SAMD5: variants seen among roughly 807,000 people sequenced by gnomAD.
SAMD5 encodes sterile alpha motif domain containing 5.
SAMD5 carries 13 observed loss-of-function variants against 11.3 expected under a neutral mutation model. The observed-to-expected ratio is 1.15, with a 90% confidence interval of 0.75 to 1.83. The LOEUF is 1.83. Ranked by LOEUF, SAMD5 falls within the 40% of genes most tolerant of loss-of-function variation. The pLI is 0.00. For missense variants in SAMD5, 255 were observed against 239.1 expected, an observed-to-expected ratio of 1.07 and a Z score of -0.44; for synonymous variants, 129 against 111.3, an observed-to-expected ratio of 1.16 and a Z score of -1.00.
chr6:147,864,975 A>G, the SAMD5 span, among the ~76,000 whole-genome samples: 1 of 152,216 alleles, frequency 6.6e-6, no homozygotes, highest in Non-Finnish European at 1.5e-5. Context: ...CAAGATTTGC[A>G]AGATTCTGCA....
intron 1 of SAMD5, among the ~76,000 whole-genome samples, chr6:147,542,109 G>A (rs145748687): frequency 0.013 from 1,939 of 152,328 alleles, 21 homozygotes; most frequent in Middle Eastern, 0.031. Flanking sequence ...CCTGTCATAG[G>A]GCTACAGTTA....
At chr6:147,763,620 G>A in the SAMD5 span, among the ~76,000 whole-genome samples, 8 of 151,474 alleles carry the variant, frequency 5.3e-5, no homozygotes, top group South Asian at 6.3e-4. Context: ...TTGCTCTGTC[G>A]CCCAGGCTGG....
chr6:147,676,714 T>C (rs1790868038), intron 1 of SAMD5, among the ~76,000 whole-genome samples: 1 of 150,706 alleles, frequency 6.6e-6, no homozygotes, highest in South Asian at 2.1e-4. Flanking sequence ...AAAGAGAAAG[T>C]AACATTTAAA....
chr6:147,800,066 G>A, the SAMD5 span, among the ~76,000 whole-genome samples: 1 of 152,150 alleles, frequency 6.6e-6, no homozygotes. Context: ...TCTTCTCTCA[G>A]CTCGTCAAAG....
intron 1 of SAMD5, among the ~76,000 whole-genome samples, chr6:147,616,185 A>G (rs1461663739): frequency 1.7e-5 from 2 of 118,696 alleles, no homozygotes; most frequent in African/African-American, 3.4e-5. Flanking sequence ...TTATTCATAT[A>G]TATTTCATAT....
rs139216301 is a variant in SAMD5 at position 147,561,257 on chromosome 6, G to A, written c.460-3137G>A. Among the ~76,000 whole-genome samples, 650 of 152,186 alleles carry A rather than the reference G, an allele frequency of 4.3e-3. 3 individuals are homozygous for A. The highest frequency in any genetic ancestry group is 7.6e-3 in the Non-Finnish European group (519 of 67,998). On this transcript the variant is annotated intron_variant, in intron 1 of 1. Coordinates refer to ENST00000367474, the MANE Select transcript of SAMD5 (RefSeq NM_001030060.3). ...AGGCTGGAGTGCAGTGCCTGATCTC[G>A]GCTCACTGCAACCTCCAGCTCCCGG...
intron 1 of SAMD5, among the ~76,000 whole-genome samples, chr6:147,599,331 T>C (rs1172249780): frequency 6.6e-6 from 1 of 152,238 alleles, no homozygotes; most frequent in Non-Finnish European, 1.5e-5. Flanking sequence ...AATGTTGTGA[T>C]AAGTTTCAGA....
chr6:147,628,267 T>C (rs844619), intron 1 of SAMD5, among the ~76,000 whole-genome samples: 6,151 of 152,270 alleles, frequency 0.04, 167 homozygotes, highest in East Asian at 0.11. Flanking sequence ...AATTGAAAAC[T>C]CTATTTCTAG....
intron 1 of SAMD5, among the ~76,000 whole-genome samples, chr6:147,646,988 A>AATC (rs1441621556): frequency 2.0e-5 from 3 of 146,948 alleles, no homozygotes; most frequent in Non-Finnish European, 4.5e-5. Flanking sequence ...TAATAATAAT[A>AATC]ATAATAATAA....
chr6:147,819,327 G>C, the SAMD5 span, among the ~76,000 whole-genome samples: 28 of 152,220 alleles, frequency 1.8e-4, 1 homozygote, highest in African/African-American at 6.3e-4. Flanking sequence ...GGCCTACTTG[G>C]GGGTGGAGGA....
chr6:147,636,861 CCA>C (rs1562339502), intron 1 of SAMD5, among the ~76,000 whole-genome samples: 1 of 152,174 alleles, frequency 6.6e-6, no homozygotes, highest in East Asian at 1.9e-4. Context: ...GTATTATGGT[CCA>C]CAGACTGATT....
intron 1 of SAMD5, among the ~76,000 whole-genome samples, chr6:147,512,255 C>G (rs535205849): frequency 6.6e-6 from 1 of 152,294 alleles, no homozygotes; most frequent in African/African-American, 2.4e-5. Context: ...CGCACCCCGC[C>G]AGAATGTGTA....
chr6:147,516,031 C>G (rs1000768444), intron 1 of SAMD5, among the ~76,000 whole-genome samples: 2 of 152,128 alleles, frequency 1.3e-5, no homozygotes, highest in African/African-American at 4.8e-5. Flanking sequence ...ACACCAAGGA[C>G]ACAAAATTGA....
At chr6:147,838,535 C>CA in the SAMD5 span, among the ~76,000 whole-genome samples, 1 of 142,894 alleles carries the variant, frequency 7.0e-6, no homozygotes, top group Non-Finnish European at 1.5e-5. Context: ...TATCCTGCCC[C>CA]CCCCCCGTAG....
the SAMD5 span, among the ~76,000 whole-genome samples, chr6:147,811,856 C>T: frequency 6.6e-6 from 1 of 152,122 alleles, no homozygotes; most frequent in South Asian, 2.1e-4. Flanking sequence ...GTTAGAGATG[C>T]CATCTGTTTG....
chr6:147,564,432 G>T lies in SAMD5; in HGVS notation c.498G>T (p.Trp166Cys), dbSNP rs376063782. Reference sequence around the variant, plus strand: ...GCATCCTAGAGTACTTAATGAATTGGCCGAAGTCATCACAGAGCCGCTAGA... The same window carrying T: ...GCATCCTAGAGTACTTAATGAATTGTCCGAAGTCATCACAGAGCCGCTAGA... Reference protein sequence around the residue: ...MAGILEYLMNWPKSSQSR With the variant: ...MAGILEYLMNCPKSSQSR The change falls in exon 2 of 2, where the codon TGG becomes TGT. Residue 166 changes from tryptophan to cysteine, a missense_variant. By Grantham distance (215) the Trp-to-Cys change is radical. Transcript: ENST00000367474. 2.6e-6 allele frequency: 2 copies of T among 781,258 alleles called. No individual in the cohort carries two copies. The highest frequency in any genetic ancestry group is 2.7e-5 in the South Asian group (2 of 74,608). 48.4% of individuals were successfully genotyped at this position (781,258 alleles called of 1,614,324 possible).
intron 1 of SAMD5, among the ~76,000 whole-genome samples, chr6:147,616,494 C>T (rs1388441388): frequency 2.0e-5 from 3 of 151,878 alleles, no homozygotes; most frequent in East Asian, 1.9e-4. Context: ...TGTTGCTCTT[C>T]GGCTTTAATA....
chr6:147,855,410 G>A, the SAMD5 span, among the ~76,000 whole-genome samples: 2 of 152,176 alleles, frequency 1.3e-5, no homozygotes, highest in African/African-American at 4.8e-5. Flanking sequence ...GAAACTCTAT[G>A]ACTTTCCAGA....
At chr6:147,558,505 T>A (rs1278866941) in intron 1 of SAMD5, among the ~76,000 whole-genome samples, 2 of 152,138 alleles carry the variant, frequency 1.3e-5, no homozygotes, top group Non-Finnish European at 2.9e-5. Flanking sequence ...CATCTATCAC[T>A]GTGATTCCAG....
Sources: allele counts gnomAD v4.1 joint callset (sites outside exome capture counted in the v4.1 genomes callset), GRCh38; gene constraint gnomAD v4.1.1; transcripts MANE v1.5; gene names NCBI Gene and HGNC (gene_info 2026-07-23, HGNC 2026-07-21).